The following PLEKHM2 variants were observed in gnomAD, a reference collection of about 807,000 sequenced individuals.
PLEKHM2 encodes pleckstrin homology and RUN domain containing M2, also known as pleckstrin homology domain-containing family M member 2.
A neutral mutation model predicts 116.3 loss-of-function variants in PLEKHM2; 77 were observed. That is an observed-to-expected ratio of 0.66 (90% CI 0.55 to 0.80). The LOEUF is 0.80. Ranked by LOEUF, PLEKHM2 falls within the 30% of genes least tolerant of loss-of-function variation. The pLI, the probability that PLEKHM2 is intolerant of heterozygous loss-of-function variation, is 0.00. For missense variants in PLEKHM2, 1,183 were observed against 1,354.9 expected (o/e 0.87, Z 1.99); for synonymous variants, 562 against 571.0 (o/e 0.98, Z 0.22).
At chr1:15,703,326 C>T (rs984944730) in intron 1 of PLEKHM2, among the ~76,000 whole-genome samples, 18 of 149,720 alleles carry the variant, frequency 1.2e-4, no homozygotes, top group African/African-American at 4.6e-4. Flanking sequence ...GGCACGCTTA[C>T]AGCCATCTGT....
At chr1:15,687,327 C>T (rs183842150) in intron 1 of PLEKHM2, among the ~76,000 whole-genome samples, 19 of 152,106 alleles carry the variant, frequency 1.2e-4, no homozygotes, top group Admixed American at 3.9e-4. Flanking sequence ...GCGCCCGCCA[C>T]TATGCCCGGC....
At chr1:15,688,390 G>T (rs777970583) in intron 1 of PLEKHM2, among the ~76,000 whole-genome samples, 1 of 152,152 alleles carries the variant, frequency 6.6e-6, no homozygotes, top group East Asian at 1.9e-4. Flanking sequence ...GGTGGCTCAC[G>T]CCTGTAATCC....
In PLEKHM2 at chr1:15,728,356, A is replaced by G. The variant is rs2068094953; in HGVS notation, c.1920A>G (p.Lys640=). The part of the protein sequence containing the change: ...LTDCYVYLLR[K]GATEKPYLVE... ...ACTGCTATGTCTACCTGCTCCGGAAAGGTGCCCGCCGCCCCCGGGCAGACA... is the reference window on the plus strand; with the variant it reads ...ACTGCTATGTCTACCTGCTCCGGAAGGGTGCCCGCCGCCCCCGGGCAGACA... Residue 640 remains lysine, a splice_region_variant and synonymous_variant, in exon 11 of 20, where the codon AAA becomes AAG. Transcript: ENST00000375799. The surrounding 1 kb of genome is among the most constrained non-coding windows in gnomAD (Gnocchi z 5.9). 2 of 1,611,938 alleles carry G rather than the reference A, an allele frequency of 1.2e-6. No homozygotes were observed. The highest frequency in any genetic ancestry group is 1.7e-6 in the Non-Finnish European group (2 of 1,179,222).
intron 1 of PLEKHM2, among the ~76,000 whole-genome samples, chr1:15,686,647 AATT>A (rs1194534042): frequency 1.5e-4 from 21 of 140,946 alleles, no homozygotes; most frequent in African/African-American, 5.7e-4. Context: ...CACCCGGCTA[AATT>A]TTTTTTTTTT....
chr1:15,682,656 A>G (rs1640673439), upstream of PLEKHM2, among the ~76,000 whole-genome samples: 1 of 146,314 alleles, frequency 6.8e-6, no homozygotes, highest in African/African-American at 2.6e-5. Flanking sequence ...AAAAAACAAA[A>G]AACAAAGTAC....
intron 1 of PLEKHM2, among the ~76,000 whole-genome samples, chr1:15,711,989 G>T (rs766157679): frequency 6.6e-6 from 1 of 151,668 alleles, no homozygotes; most frequent in Non-Finnish European, 1.5e-5. Flanking sequence ...ACGGTGGCGC[G>T]TGCCTGTAAT....
chr1:15,723,674 G>A (rs1212408956), intron 7 of PLEKHM2, among the ~76,000 whole-genome samples: 3 of 151,598 alleles, frequency 2.0e-5, no homozygotes, highest in Admixed American at 2.0e-4. Context: ...GAACCCAGGA[G>A]GTCGAGGCTA....
At chr1:15,689,411 A>C (rs571647724) in intron 1 of PLEKHM2, among the ~76,000 whole-genome samples, 3 of 152,282 alleles carry the variant, frequency 2.0e-5, no homozygotes, top group South Asian at 4.1e-4. Flanking sequence ...ACCTGTCTTA[A>C]GATTGCCAAG....
At chr1:15,688,748 A>T (rs1203694328) in intron 1 of PLEKHM2, among the ~76,000 whole-genome samples, 1 of 152,170 alleles carries the variant, frequency 6.6e-6, no homozygotes, top group Non-Finnish European at 1.5e-5. Context: ...AGATGCTGCC[A>T]GTAAAGCCTG....
chr1:15,727,138 G>T lies in PLEKHM2; in HGVS notation c.1066G>T (p.Gly356Cys). 6.3e-7 allele frequency: 1 copy of T among 1,593,166 alleles called. No homozygotes were observed. Among genetic ancestry groups the T allele is most frequent in the Non-Finnish European group, 8.6e-7 (1 of 1,169,236 alleles). ...GCAGGGGGACGGTGACAGCCGCAACGGCAGCCCAAGCCTTGGGCGGGACTC... is the reference window on the plus strand; with the variant it reads ...GCAGGGGGACGGTGACAGCCGCAACTGCAGCCCAAGCCTTGGGCGGGACTC... ...AKQGDGDSRNGSPSLGRDSPD... is the reference protein window; with the variant it reads ...AKQGDGDSRNCSPSLGRDSPD... The change falls in exon 9 of 20, where the codon GGC (glycine) becomes TGC (cysteine). Residue 356 changes from glycine to cysteine, a missense_variant. Transcript: ENST00000375799. This position sits in a 1 kb window ranked among gnomAD's most constrained non-coding sequence, Gnocchi z 7.5.
intron 1 of PLEKHM2, among the ~76,000 whole-genome samples, chr1:15,700,135 C>G (rs1403523957): frequency 6.6e-6 from 1 of 152,180 alleles, no homozygotes; most frequent in Non-Finnish European, 1.5e-5. Context: ...CTGGGACATT[C>G]CTGATGTGGT....
At chr1:15,725,609 T>C in intron 8 of PLEKHM2, 64 bp downstream of exon 8, 1 of 1,196,950 alleles carries the variant, frequency 8.4e-7, no homozygotes, top group Non-Finnish European at 1.2e-6. Flanking sequence ...ACTCCCAGCA[T>C]CAGCTGTTCA....
chr1:15,703,411 A>T (rs192661349), intron 1 of PLEKHM2, among the ~76,000 whole-genome samples: 1 of 152,294 alleles, frequency 6.6e-6, no homozygotes, highest in Admixed American at 6.5e-5. Flanking sequence ...CTGCTCCCCT[A>T]GTATAACTTG....
At chr1:15,688,484 T>G (rs536125738) in intron 1 of PLEKHM2, among the ~76,000 whole-genome samples, 46 of 152,176 alleles carry the variant, frequency 3.0e-4, no homozygotes, top group Non-Finnish European at 5.6e-4. Flanking sequence ...AAACCCCATC[T>G]CTACCAAAAA....
At chr1:15,696,581 C>T (rs565260567) in intron 1 of PLEKHM2, among the ~76,000 whole-genome samples, 1 of 152,126 alleles carries the variant, frequency 6.6e-6, no homozygotes, top group South Asian at 2.1e-4. Context: ...GAACTCCTGA[C>T]CTCAGGTGAT....
chr1:15,704,992 CG>C (rs1641193010), intron 1 of PLEKHM2, among the ~76,000 whole-genome samples: 1 of 151,986 alleles, frequency 6.6e-6, no homozygotes, highest in Non-Finnish European at 1.5e-5. Flanking sequence ...GAAAGGGGCC[CG>C]GGCATTGTTG....
At chr1:15,732,790 G>C in intron 19 of PLEKHM2, 62 bp downstream of exon 19, 1 of 1,135,562 alleles carries the variant, frequency 8.8e-7, no homozygotes, top group Non-Finnish European at 1.3e-6. Flanking sequence ...CCACTCCCCG[G>C]GGAGAGGAAC....
intron 1 of PLEKHM2, among the ~76,000 whole-genome samples, chr1:15,694,184 T>C (rs922956340): frequency 6.6e-6 from 1 of 151,882 alleles, no homozygotes; most frequent in African/African-American, 2.4e-5. Flanking sequence ...AAACCCCGTC[T>C]CTACTAAAAA....
chr1:15,704,143 C>A (rs989761210), intron 1 of PLEKHM2, among the ~76,000 whole-genome samples: 1 of 152,164 alleles, frequency 6.6e-6, no homozygotes, highest in Non-Finnish European at 1.5e-5. Flanking sequence ...GGCCCACCTG[C>A]TTGTGGACTC....
Sources: allele counts gnomAD v4.1 joint callset (sites outside exome capture counted in the v4.1 genomes callset), GRCh38; gene constraint gnomAD v4.1.1; non-coding constraint Gnocchi (gnomAD v3.1); transcripts MANE v1.5; gene names NCBI Gene and HGNC (gene_info 2026-07-23, HGNC 2026-07-21).